Variants in GALNT9 observed in about 807,000 individuals in gnomAD.
GALNT9 encodes GalNAc transferase 9.
A neutral mutation model predicts 63.1 loss-of-function variants in GALNT9; 47 were observed. The observed-to-expected ratio is 0.75, with a 90% CI of 0.59 to 0.95. GALNT9 has a LOEUF of 0.95. Among genes scored for constraint, GALNT9 ranks in the 40% least tolerant of loss-of-function variants. GALNT9 has a pLI of 0.00. For synonymous variants in GALNT9, 396 were observed against 365.7 expected (o/e 1.08, Z -0.94); for missense variants, 829 against 874.8 (o/e 0.95, Z 0.66).
At chr12:132,313,245 C>A (rs190541875) in intron 1 of GALNT9, among the ~76,000 whole-genome samples, 90 of 145,058 alleles carry the variant, frequency 6.2e-4, no homozygotes, top group Non-Finnish European at 5.1e-4. Flanking sequence ...ACCAACTCAC[C>A]CATCCATCCA....
rs2136895302 is a variant in GALNT9 at position 132,237,271 on chromosome 12, T to C, written c.1077+10639A>G. On this transcript the variant is annotated intron_variant, in intron 6 of 10. Coordinates refer to ENST00000328957, the MANE Select transcript of GALNT9 (RefSeq NM_001122636.2). The stretch of plus-strand genomic sequence containing the variant: ...GATCACACCCGTCCACACCTGTTCA[T>C]ACCTGTCCACACCTGCTCACACCCA... Among the ~76,000 whole-genome samples, 6 of 152,144 alleles carry C rather than the reference T, an allele frequency of 3.9e-5. No individual in the cohort carries two copies. The East Asian group carries it at 1.2e-3, about 29-fold the overall frequency.
chr12:132,257,484 C>T (rs1279269779), intron 5 of GALNT9, among the ~76,000 whole-genome samples: 55 of 145,728 alleles, frequency 3.8e-4, no homozygotes, highest in Non-Finnish European at 6.0e-4. Context: ...CCCTCGTCCC[C>T]GGCCCTCGTC....
intron 1 of GALNT9, among the ~76,000 whole-genome samples, chr12:132,311,423 G>A (rs1339159344): frequency 6.6e-6 from 1 of 152,200 alleles, no homozygotes; most frequent in African/African-American, 2.4e-5. Context: ...AGGGGCAGGG[G>A]TAGCACAGGC....
At position 132,329,410 on chromosome 12, in the gene GALNT9, C is replaced by T; in HGVS notation, c.-207G>A. On this transcript the variant is annotated 5_prime_UTR_variant, in exon 1 of 11. Coordinates refer to ENST00000328957, the MANE Select transcript of GALNT9 (RefSeq NM_001122636.2). Reference sequence around the variant, plus strand: ...CCAGAGCGCAGAGGGCTGCCCGGGGCTGGGGTCGCGGGGCGCGGCCGGCAT... The same window carrying T: ...CCAGAGCGCAGAGGGCTGCCCGGGGTTGGGGTCGCGGGGCGCGGCCGGCAT... The T allele has an allele frequency of 3.4e-6, 2 of 580,920 alleles. No homozygotes were observed. Among genetic ancestry groups the T allele is most frequent in the South Asian group, 8.5e-5 (1 of 11,788 alleles). The allele number at this position is 580,920 out of a possible 1,614,324, so 36.0% of individuals were successfully genotyped here.
intron 5 of GALNT9, among the ~76,000 whole-genome samples, chr12:132,249,698 C>T (rs541764286): frequency 6.6e-6 from 1 of 152,184 alleles, no homozygotes; most frequent in Admixed American, 6.5e-5. Flanking sequence ...TAGCGGGTAG[C>T]GTCTTTTTTA....
In GALNT9 at chr12:132,286,595, G is replaced by A; in HGVS notation, c.239-165C>T. On this transcript the variant is annotated intron_variant, in intron 1 of 10. Coordinates refer to ENST00000328957, the MANE Select transcript of GALNT9 (RefSeq NM_001122636.2). The surrounding 1 kb of genome is among the most constrained non-coding windows in gnomAD (Gnocchi z 7.4). ...GCCAGCTCAGGACATTCCAGAAAGT[G>A]CAAGGCTGTGCGCGGAGTGAGAGGG... The A allele has an allele frequency of 8.3e-7, 1 of 1,200,064 alleles. No individual in the cohort carries two copies. Among genetic ancestry groups the A allele is most frequent in the Non-Finnish European group, 1.1e-6 (1 of 887,504 alleles). The allele number at this position is 1,200,064 out of a possible 1,614,324, so 74.3% of individuals were successfully genotyped here. A position where few individuals can be genotyped will look rare whatever the true frequency, so the allele number is the denominator to read the frequency against.
chr12:132,251,370 G>T (rs1331382865), intron 5 of GALNT9, among the ~76,000 whole-genome samples: 1 of 152,254 alleles, frequency 6.6e-6, no homozygotes, highest in African/African-American at 2.4e-5. Flanking sequence ...CGGTTACGGG[G>T]CAGGAAGCTG....
Position 132,238,445 on chromosome 12 carries a change from A to C in GALNT9, c.1077+9465T>G, listed in dbSNP as rs2135528763. ...GAGTGGAGGCCGGGGCAGCAGCCGC[A>C]GGGGCGACATGGTGTCAAGGTCTCC... On this transcript the variant is annotated intron_variant, in intron 6 of 10. Transcript: ENST00000328957. The surrounding 1 kb of genome is among the most constrained non-coding windows in gnomAD (Gnocchi z 6.5). Among the ~76,000 whole-genome samples, 1 of 152,240 alleles carries C rather than the reference A, an allele frequency of 6.6e-6. No individual in the cohort carries two copies. Among genetic ancestry groups the C allele is most frequent in the South Asian group, 2.1e-4 (1 of 4,822 alleles).
At chr12:132,272,861 C>T (rs1879918058) in intron 2 of GALNT9, 1 of 152,300 alleles carries the variant, frequency 6.6e-6, no homozygotes, top group Non-Finnish European at 1.5e-5. Context: ...CTCTGGACCT[C>T]GTGTGCCTTC....
intron 6 of GALNT9, among the ~76,000 whole-genome samples, chr12:132,208,044 C>T (rs184940445): frequency 2.8e-4 from 42 of 152,320 alleles, no homozygotes; most frequent in African/African-American, 9.1e-4. Flanking sequence ...ACCAGTATAT[C>T]ATCTGCCTTG....
intron 6 of GALNT9, among the ~76,000 whole-genome samples, chr12:132,215,921 G>GC (rs972056379): frequency 1.1e-4 from 17 of 152,116 alleles, no homozygotes; most frequent in African/African-American, 4.1e-4. Flanking sequence ...GGCCTGAGGG[G>GC]CTGCGTCCCC....
chr12:132,222,444 A>G (rs1379838022), intron 6 of GALNT9, among the ~76,000 whole-genome samples: 1 of 152,078 alleles, frequency 6.6e-6, no homozygotes, highest in Non-Finnish European at 1.5e-5. Context: ...CACAGTTACT[A>G]ATTCCTGTGT....
chr12:132,315,107 G>C lies in GALNT9; in HGVS notation c.238+13859C>G, dbSNP rs1038876605. ...CGGCCTGACGGAGGTGGCCCAGGGGGAGGTGGTGGGGCCGGGCTCTGAGTC... is the reference window on the plus strand; with the variant it reads ...CGGCCTGACGGAGGTGGCCCAGGGGCAGGTGGTGGGGCCGGGCTCTGAGTC... On this transcript the variant is annotated intron_variant, in intron 1 of 10. Transcript: ENST00000328957. This position sits in a 1 kb window ranked among gnomAD's most constrained non-coding sequence, Gnocchi z 6.1. Among the ~76,000 whole-genome samples, 2 of 152,232 alleles carry C rather than the reference G, an allele frequency of 1.3e-5. No homozygotes were observed. Among genetic ancestry groups the C allele is most frequent in the Non-Finnish European group, 2.9e-5 (2 of 68,048 alleles).
chr12:132,209,312 G>A (rs1891635211), intron 6 of GALNT9, among the ~76,000 whole-genome samples: 1 of 152,098 alleles, frequency 6.6e-6, no homozygotes. Flanking sequence ...GGATCATGAA[G>A]TCAAGAGATC....
chr12:132,197,719 G>A (rs926162490), intron 10 of GALNT9, 73 bp downstream of exon 10: 35 of 1,176,528 alleles, frequency 3.0e-5, no homozygotes, highest in Admixed American at 2.9e-4. Context: ...TGGCTCTAGT[G>A]GCAGAGGCAC....
chr12:132,219,070 G>C (rs541931038), intron 6 of GALNT9, among the ~76,000 whole-genome samples: 2 of 152,074 alleles, frequency 1.3e-5, no homozygotes, highest in Non-Finnish European at 2.9e-5. Context: ...GGAGAGCAGA[G>C]CCAAGTGCCT....
chr12:132,222,712 T>C (rs972604550), intron 6 of GALNT9, among the ~76,000 whole-genome samples: 1 of 151,820 alleles, frequency 6.6e-6, no homozygotes. Flanking sequence ...GTGACAATTA[T>C]CACATTCCAT....
intron 7 of GALNT9, 59 bp downstream of exon 7, chr12:132,203,446 C>T (rs914163257): frequency 2.1e-5 from 33 of 1,557,672 alleles, no homozygotes; most frequent in Middle Eastern, 1.7e-4. Context: ...CCAGCCCTGC[C>T]GTGGCATTGA....
intron 6 of GALNT9, among the ~76,000 whole-genome samples, chr12:132,235,195 T>C (rs1354605410): frequency 6.6e-6 from 1 of 150,858 alleles, no homozygotes; most frequent in African/African-American, 2.5e-5. Context: ...TGCCACACAC[T>C]CGATGGCGTG....
Sources: gnomAD v4.1 joint callset for allele counts (sites outside exome capture counted in the v4.1 genomes callset) on GRCh38, gnomAD v4.1.1 for gene constraint, Gnocchi (gnomAD v3.1) non-coding constraint, MANE v1.5 for transcripts, NCBI Gene and HGNC (gene_info 2026-07-23, HGNC 2026-07-21) for gene names.